Variants in ATP8A2 observed in about 807,000 individuals in gnomAD.
ATP8A2 encodes the protein ATPase phospholipid transporting 8A2, also known as phospholipid-transporting ATPase IB.
In ATP8A2, 100 loss-of-function variants were observed where a neutral mutation model predicts 165.6. That is an observed-to-expected ratio of 0.60 (90% CI 0.51 to 0.71). The LOEUF (loss-of-function observed/expected upper bound fraction) is 0.71, where lower values mean the gene tolerates loss of function less well. Ranked by LOEUF, ATP8A2 falls within the 30% of genes least tolerant of loss-of-function variation. The pLI is 0.00. For missense variants in ATP8A2, 1,227 were observed against 1,479.5 expected (o/e 0.83, Z 2.80); for synonymous variants, 543 against 548.8 (o/e 0.99, Z 0.15).
At chr13:25,731,436 A>T (rs4770868) in intron 25 of ATP8A2, among the ~76,000 whole-genome samples, 1 of 152,032 alleles carries the variant, frequency 6.6e-6, no homozygotes, top group African/African-American at 2.4e-5. Flanking sequence ...AAAGATAAGG[A>T]TTAAAGCCAT....
At chr13:25,404,711 A>G (rs956313032) in intron 1 of ATP8A2, among the ~76,000 whole-genome samples, 2 of 151,438 alleles carry the variant, frequency 1.3e-5, no homozygotes, top group African/African-American at 2.4e-5. Flanking sequence ...AGGGATAATC[A>G]TTTTTCTTTT....
chr13:25,621,287 G>A (rs1427134563), intron 24 of ATP8A2, among the ~76,000 whole-genome samples: 1 of 152,216 alleles, frequency 6.6e-6, no homozygotes, highest in Admixed American at 6.5e-5. Context: ...AGTGTGTTAA[G>A]TGTCAGATTT....
intron 24 of ATP8A2, among the ~76,000 whole-genome samples, chr13:25,590,783 C>G (rs1017487838): frequency 5.9e-5 from 9 of 152,212 alleles, no homozygotes; most frequent in Admixed American, 2.6e-4. Flanking sequence ...TCTATACTTG[C>G]AAATTGAGAG....
At chr13:25,616,578 C>T (rs1279990221) in intron 24 of ATP8A2, among the ~76,000 whole-genome samples, 5 of 152,116 alleles carry the variant, frequency 3.3e-5, no homozygotes, top group Admixed American at 6.5e-5. Context: ...GCAATCCACC[C>T]GCCTCAGCCT....
chr13:25,633,875 C>A (rs2041305988), intron 24 of ATP8A2, among the ~76,000 whole-genome samples: 1 of 151,474 alleles, frequency 6.6e-6, no homozygotes. Flanking sequence ...ACTCTGGAGG[C>A]TAAGGTGGGA....
In ATP8A2 at chr13:25,372,092, C is replaced by A; in HGVS notation, c.-121C>A. 1 of 644,668 alleles carries A rather than the reference C, an allele frequency of 1.6e-6. No individual in the cohort carries two copies. The highest frequency in any genetic ancestry group is 2.2e-6 in the Non-Finnish European group (1 of 464,820). 39.9% of individuals were successfully genotyped at this position (644,668 alleles called of 1,614,324 possible). On this transcript the variant is annotated 5_prime_UTR_variant, in exon 1 of 37. Coordinates refer to ENST00000381655, the MANE Select transcript of ATP8A2 (RefSeq NM_016529.6). This position sits in a 1 kb window ranked among gnomAD's most constrained non-coding sequence, Gnocchi z 4.8. ...CGGCACAGGCGCCGGCGGTCCCCGCCAGCTAGCAGCCCGGCGAGGCGCTGG... is the reference window on the plus strand; with the variant it reads ...CGGCACAGGCGCCGGCGGTCCCCGCAAGCTAGCAGCCCGGCGAGGCGCTGG...
intron 24 of ATP8A2, among the ~76,000 whole-genome samples, chr13:25,621,572 T>C (rs2040969842): frequency 6.6e-6 from 1 of 152,180 alleles, no homozygotes; most frequent in Non-Finnish European, 1.5e-5. Context: ...CTCATTTTTC[T>C]TCACTCCAGC....
chr13:25,972,477 T>A (rs973733247), intron 35 of ATP8A2, among the ~76,000 whole-genome samples: 2 of 152,218 alleles, frequency 1.3e-5, no homozygotes, highest in Non-Finnish European at 2.9e-5. Flanking sequence ...TTGATTTTAG[T>A]TTGTTCTTCT....
At position 25,953,522 on chromosome 13, in the gene ATP8A2, T is replaced by TAAAA. The variant is rs374397075; in HGVS notation, c.3184-8032_3184-8029dup. Among the ~76,000 whole-genome samples, 3 of 94,960 alleles carry TAAAA rather than the reference T, an allele frequency of 3.2e-5. No homozygotes were observed. The highest frequency in any genetic ancestry group is 4.3e-5 in the African/African-American group (1 of 23,384). 62.3% of individuals were successfully genotyped at this position (94,960 alleles called of 152,430 possible). ...GTAGCCCTGGTTACTCCAGCCTTTT[T>TAAAA]AAAAAAAAAAAAAAAAAAAAAAAAG... On this transcript the variant is annotated intron_variant, in intron 33 of 36. Coordinates refer to ENST00000381655, the MANE Select transcript of ATP8A2 (RefSeq NM_016529.6). This position sits in a 1 kb window ranked among gnomAD's most constrained non-coding sequence, Gnocchi z 6.7.
chr13:25,692,473 C>T (rs1017619675), intron 24 of ATP8A2, among the ~76,000 whole-genome samples: 1 of 152,010 alleles, frequency 6.6e-6, no homozygotes, highest in Non-Finnish European at 1.5e-5. Context: ...TGGAACCATT[C>T]ATTTTTGAAG....
At chr13:25,773,396 A>G (rs1033079515) in intron 26 of ATP8A2, among the ~76,000 whole-genome samples, 4 of 152,174 alleles carry the variant, frequency 2.6e-5, no homozygotes, top group African/African-American at 9.7e-5. Context: ...CTCCAGCGCA[A>G]GGTTTACACT....
intron 25 of ATP8A2, among the ~76,000 whole-genome samples, chr13:25,768,382 G>A (rs2044541467): frequency 6.6e-6 from 1 of 152,000 alleles, no homozygotes; most frequent in Non-Finnish European, 1.5e-5. Context: ...TCCTATGCAG[G>A]GGCTGATCTT....
chr13:25,544,612 G>A (rs1395144554), intron 10 of ATP8A2, among the ~76,000 whole-genome samples: 1 of 152,154 alleles, frequency 6.6e-6, no homozygotes, highest in Non-Finnish European at 1.5e-5. Context: ...TTGTATTTCT[G>A]GGGTAGAGAG....
At chr13:26,009,081 AG>A (rs1403182877) in intron 35 of ATP8A2, among the ~76,000 whole-genome samples, 2 of 152,204 alleles carry the variant, frequency 1.3e-5, no homozygotes, top group Admixed American at 1.3e-4. Flanking sequence ...TTTTTATGGA[AG>A]GGAGAAGAAT....
At chr13:25,885,475 T>C (rs1007198685) in intron 33 of ATP8A2, among the ~76,000 whole-genome samples, 2 of 151,970 alleles carry the variant, frequency 1.3e-5, no homozygotes, top group Admixed American at 6.6e-5. Flanking sequence ...TCTTTTGGGG[T>C]GGCTGGCATG....
chr13:25,972,222 C>T (rs188816532), intron 35 of ATP8A2, among the ~76,000 whole-genome samples: 78 of 152,326 alleles, frequency 5.1e-4, no homozygotes, highest in African/African-American at 1.9e-3. Flanking sequence ...TTTCATCCAA[C>T]ATTTTATTGA....
intron 33 of ATP8A2, among the ~76,000 whole-genome samples, chr13:25,901,055 C>T (rs915455394): frequency 2.6e-5 from 4 of 152,182 alleles, no homozygotes; most frequent in Non-Finnish European, 4.4e-5. Context: ...TGGGGGATGA[C>T]TGCATTGCTC....
intron 25 of ATP8A2, among the ~76,000 whole-genome samples, chr13:25,751,632 C>T (rs9578919): frequency 0.013 from 2,020 of 152,062 alleles, 36 homozygotes; most frequent in African/African-American, 0.044. Context: ...GACAAGGTCT[C>T]GCTATGTTGC....
At chr13:25,635,876 T>C (rs116830284) in intron 24 of ATP8A2, among the ~76,000 whole-genome samples, 1,753 of 152,366 alleles carry the variant, frequency 0.012, 31 homozygotes, top group African/African-American at 0.04. Context: ...ATACAAACTA[T>C]TGTGATACAT....
Sources: allele counts gnomAD v4.1 joint callset (sites outside exome capture counted in the v4.1 genomes callset), GRCh38; gene constraint gnomAD v4.1.1; non-coding constraint Gnocchi (gnomAD v3.1); transcripts MANE v1.5; gene names NCBI Gene and HGNC (gene_info 2026-07-23, HGNC 2026-07-21).